RAB27A: variants seen among roughly 807,000 people sequenced by gnomAD.
RAB27A encodes ras-related protein Rab-27A.
In RAB27A, 17 loss-of-function variants were observed where a neutral mutation model predicts 20.8. The observed-to-expected ratio is 0.82, with a 90% CI of 0.56 to 1.23. The LOEUF (loss-of-function observed/expected upper bound fraction) is 1.23. Ranked by LOEUF, RAB27A falls within the 50% of genes most tolerant of loss-of-function variation. RAB27A has a pLI of 0.00. For synonymous variants in RAB27A, 85 were observed against 92.8 expected (o/e 0.92, Z 0.48); for missense variants, 277 against 266.7 (o/e 1.04, Z -0.27).
intron 2 of RAB27A, among the ~76,000 whole-genome samples, chr15:55,304,570 G>A (rs1251496878): frequency 6.6e-6 from 1 of 151,910 alleles, no homozygotes; most frequent in Non-Finnish European, 1.5e-5. Context: ...TCTGTCTCTA[G>A]ACATTTACCT....
intron 1 of RAB27A, among the ~76,000 whole-genome samples, chr15:55,283,445 G>A (rs956685640): frequency 6.6e-6 from 1 of 152,132 alleles, no homozygotes; most frequent in African/African-American, 2.4e-5. Context: ...CGCCACCTGA[G>A]GAAATACCAC....
At chr15:55,306,533 CT>C (rs555273940) in intron 2 of RAB27A, among the ~76,000 whole-genome samples, 557 of 152,286 alleles carry the variant, frequency 3.7e-3, no homozygotes, top group African/African-American at 0.013. Flanking sequence ...AACTCCACCC[CT>C]ATCAGACATA....
intron 2 of RAB27A, among the ~76,000 whole-genome samples, chr15:55,299,468 C>T (rs2054962682): frequency 6.6e-6 from 1 of 152,080 alleles, no homozygotes; most frequent in Non-Finnish European, 1.5e-5. Flanking sequence ...GTGGCTCACA[C>T]CTGTAATCCC....
chr15:55,216,031 T>A (rs912540217), intron 6 of RAB27A, among the ~76,000 whole-genome samples: 2 of 151,382 alleles, frequency 1.3e-5, no homozygotes, highest in African/African-American at 4.9e-5. Context: ...TCTTACCAAC[T>A]GTGATTCTGA....
intron 1 of RAB27A, among the ~76,000 whole-genome samples, chr15:55,283,426 G>A (rs953464602): frequency 1.3e-5 from 2 of 152,150 alleles, no homozygotes; most frequent in Non-Finnish European, 2.9e-5. Flanking sequence ...CCGGAACACA[G>A]GAATGAGCCG....
At chr15:55,240,753 T>C (rs1322178728) in intron 2 of RAB27A, among the ~76,000 whole-genome samples, 1 of 152,222 alleles carries the variant, frequency 6.6e-6, no homozygotes, top group Admixed American at 6.5e-5. Flanking sequence ...TTCTATTTTA[T>C]CAATTCTAAC....
chr15:55,289,559 GA>G (rs991728188), intron 1 of RAB27A, among the ~76,000 whole-genome samples, 156 bp downstream of exon 1: 2 of 152,110 alleles, frequency 1.3e-5, no homozygotes, highest in Admixed American at 1.3e-4. Context: ...GCCTGGGAGA[GA>G]AGCCACTCTT....
intron 2 of RAB27A, among the ~76,000 whole-genome samples, chr15:55,244,334 C>CA (rs1390868039): frequency 5.9e-5 from 9 of 151,798 alleles, no homozygotes; most frequent in South Asian, 2.1e-4. Flanking sequence ...AACAAACAAA[C>CA]AAAACAAAAC....
intron 1 of RAB27A, among the ~76,000 whole-genome samples, chr15:55,272,975 T>G (rs1897751546): frequency 6.6e-6 from 1 of 151,998 alleles, no homozygotes; most frequent in African/African-American, 2.4e-5. Context: ...GTCATCTGCT[T>G]AAAAAGCAGC....
At chr15:55,304,742 A>T (rs1017597871) in intron 2 of RAB27A, among the ~76,000 whole-genome samples, 6 of 152,184 alleles carry the variant, frequency 3.9e-5, no homozygotes, top group African/African-American at 1.4e-4. Context: ...TTATTTATCC[A>T]TTCATCAGTT....
chr15:55,310,801 G>A (rs755862294), intron 2 of RAB27A, among the ~76,000 whole-genome samples: 25 of 152,172 alleles, frequency 1.6e-4, no homozygotes, highest in Non-Finnish European at 2.9e-4. Flanking sequence ...GCAGCTGACT[G>A]AGTGATAAAC....
At chr15:55,290,782 C>T (rs1004596471), upstream of RAB27A, among the ~76,000 whole-genome samples, 2 of 152,246 alleles carry the variant, frequency 1.3e-5, no homozygotes, top group African/African-American at 4.8e-5. Flanking sequence ...GCCCTTGGGC[C>T]TGTCCCTATG....
Position 55,318,890 on chromosome 15 carries a change from T to C in RAB27A, c.-234+41A>G, listed in dbSNP as rs370468711. ...TGAAATGTTAACACCAACACTGACG[T>C]CTACAATTACCGTTACCGTTTTTAA... On this transcript the variant is annotated intron_variant, in intron 1 of 5. Transcript: ENST00000563262. 4.3e-4 allele frequency: 89 copies of C among 206,774 alleles called. No individual in the cohort carries two copies. The East Asian group carries it at 6.9e-3, about 16-fold the overall frequency. 12.8% of individuals were successfully genotyped at this position (206,774 alleles called of 1,614,324 possible).
At chr15:55,310,548 C>G (rs548512917) in intron 2 of RAB27A, among the ~76,000 whole-genome samples, 3 of 152,102 alleles carry the variant, frequency 2.0e-5, no homozygotes, top group Admixed American at 1.3e-4. Context: ...CCTTGTAGAC[C>G]GCACTGAAAG....
chr15:55,302,195 C>CAG (rs2054975076), intron 2 of RAB27A, among the ~76,000 whole-genome samples: 1 of 144,330 alleles, frequency 6.9e-6, no homozygotes, highest in African/African-American at 2.6e-5. Flanking sequence ...AAAAAAAAGT[C>CAG]AGAGTGAGAC....
chr15:55,256,198 T>G (rs1897072682), intron 2 of RAB27A, among the ~76,000 whole-genome samples: 1 of 152,152 alleles, frequency 6.6e-6, no homozygotes, highest in Non-Finnish European at 1.5e-5. Flanking sequence ...GAGGATCACT[T>G]GAGCCCAAGA....
upstream of RAB27A, among the ~76,000 whole-genome samples, chr15:55,292,637 C>G (rs898031042): frequency 6.6e-6 from 1 of 152,148 alleles, no homozygotes; most frequent in Admixed American, 6.5e-5. Flanking sequence ...AGGAAGAAAA[C>G]CTAGTTGCAA....
intron 6 of RAB27A, 40 bp from the exon 7 acceptor site, chr15:55,205,745 G>A (rs765968769): frequency 2.6e-6 from 4 of 1,512,792 alleles, no homozygotes; most frequent in African/African-American, 1.4e-5. Context: ...CATGTGGAGG[G>A]AAAGGAGAGT....
chr15:55,243,779 A>T (rs772198662), intron 2 of RAB27A, among the ~76,000 whole-genome samples: 9 of 152,118 alleles, frequency 5.9e-5, no homozygotes, highest in South Asian at 2.1e-4. Flanking sequence ...GTTATATTCA[A>T]TGTGGAAAAT....
Sources: gnomAD v4.1 joint callset for allele counts (sites outside exome capture counted in the v4.1 genomes callset) on GRCh38, gnomAD v4.1.1 for gene constraint, MANE v1.5 for transcripts, NCBI Gene and HGNC (gene_info 2026-07-23, HGNC 2026-07-21) for gene names.